PHACTR3: variants seen among roughly 807,000 people sequenced by gnomAD.
The protein encoded by PHACTR3 is phosphatase and actin regulator 3, also known as protein phosphatase 1, regulatory subunit 123.
PHACTR3 carries 16 observed loss-of-function variants against 66.8 expected under a neutral mutation model. The observed-to-expected ratio is 0.24, with a 90% confidence interval of 0.16 to 0.36. The LOEUF (loss-of-function observed/expected upper bound fraction) is 0.36. PHACTR3 is among the 10% of genes least tolerant of loss of function. The probability of loss-of-function intolerance (pLI) is 1.00; values close to 1 mark genes in which losing one functional copy is unlikely to be tolerated. For missense variants in PHACTR3, 647 were observed against 719.9 expected, an observed-to-expected ratio of 0.90 and a Z score of 1.16; for synonymous variants, 323 against 292.1, an observed-to-expected ratio of 1.11 and a Z score of -1.08.
chr20:59,796,665 A>T (rs2041259526), intron 7 of PHACTR3, among the ~76,000 whole-genome samples: 1 of 152,238 alleles, frequency 6.6e-6, no homozygotes, highest in East Asian at 1.9e-4. Context: ...CCCCTCTCTT[A>T]TCATCCCATT....
chr20:59,646,953 T>G (rs2146439806), intron 1 of PHACTR3, among the ~76,000 whole-genome samples: 1 of 152,212 alleles, frequency 6.6e-6, no homozygotes, highest in South Asian at 2.1e-4. Context: ...TTAAAGGGAT[T>G]TTTGTCTTTA....
intron 7 of PHACTR3, among the ~76,000 whole-genome samples, chr20:59,803,938 G>A (rs904629047): frequency 5.3e-5 from 8 of 152,160 alleles, no homozygotes; most frequent in South Asian, 4.1e-4. Context: ...CTCTCCGTCC[G>A]TCCCTGCACC....
intron 7 of PHACTR3, among the ~76,000 whole-genome samples, chr20:59,783,493 A>C (rs150052689): frequency 4.2e-5 from 6 of 143,552 alleles, no homozygotes; most frequent in African/African-American, 1.6e-4. Flanking sequence ...CTTGATAAGC[A>C]CTTTTCATGC....
At chr20:59,660,442 C>A (rs975563544) in intron 1 of PHACTR3, among the ~76,000 whole-genome samples, 1 of 152,170 alleles carries the variant, frequency 6.6e-6, no homozygotes, top group African/African-American at 2.4e-5. Flanking sequence ...TGCAGTGAGC[C>A]GAGATTGCGC....
At chr20:59,677,849 G>C (rs916086227) in intron 1 of PHACTR3, among the ~76,000 whole-genome samples, 1 of 152,014 alleles carries the variant, frequency 6.6e-6, no homozygotes, top group Non-Finnish European at 1.5e-5. Flanking sequence ...CCATGGTGAG[G>C]TTCATTCAGA....
intron 1 of PHACTR3, among the ~76,000 whole-genome samples, chr20:59,687,355 G>C (rs1045538320): frequency 2.5e-4 from 38 of 152,238 alleles, no homozygotes; most frequent in African/African-American, 8.7e-4. Context: ...TTGTTACCTT[G>C]TAGTAGATTT....
intron 1 of PHACTR3, among the ~76,000 whole-genome samples, chr20:59,643,254 T>C (rs553289730): frequency 6.6e-6 from 1 of 152,322 alleles, no homozygotes; most frequent in South Asian, 2.1e-4. Context: ...GGTGAGAAGG[T>C]ATCCTGCACA....
chr20:59,827,847 G>A (rs2042239057), intron 8 of PHACTR3, among the ~76,000 whole-genome samples: 1 of 152,162 alleles, frequency 6.6e-6, no homozygotes, highest in African/African-American at 2.4e-5. Context: ...AGCTTGGCGG[G>A]GCTTCCTGGT....
intron 1 of PHACTR3, among the ~76,000 whole-genome samples, chr20:59,584,050 A>G (rs951524205): frequency 1.7e-4 from 26 of 152,212 alleles, no homozygotes; most frequent in African/African-American, 5.8e-4. Flanking sequence ...TTAGTGACAA[A>G]CTGTGGGTCA....
intron 8 of PHACTR3, among the ~76,000 whole-genome samples, chr20:59,816,750 G>T (rs1414210862): frequency 2.0e-5 from 3 of 152,228 alleles, no homozygotes; most frequent in Non-Finnish European, 4.4e-5. Flanking sequence ...TGTATGATTG[G>T]ATAGGTGGGT....
rs189915001 is a variant in PHACTR3, at chr20:59,775,266, C to G, written c.1174+776C>G. On this transcript the variant is annotated intron_variant, in intron 7 of 12. Coordinates refer to ENST00000371015, the MANE Select transcript of PHACTR3 (RefSeq NM_080672.5). ...CCCTCTGATTAGTCCCAGGAAGGTC[C>G]AGGGCGGCCGTGGTGTTTGGCCTGC... 7.7e-4 allele frequency among the ~76,000 whole-genome samples: 117 copies of G among 152,234 alleles called. 2 individuals carry two copies. The East Asian group carries it at 0.02, about 26-fold the overall frequency.
intron 1 of PHACTR3, among the ~76,000 whole-genome samples, chr20:59,723,106 CTTT>C (rs2038406625): frequency 7.7e-6 from 1 of 129,876 alleles, no homozygotes; most frequent in Admixed American, 7.6e-5. Context: ...TTCTTTCTTT[CTTT>C]CTTTCTTTCT....
chr20:59,806,886 G>A lies in PHACTR3; in HGVS notation c.1328+692G>A, dbSNP rs370687197. ...CTACCATATACTGTAGGCAATTCTA[G>A]CACGTTATGGTATAGAAACATTTCT... On this transcript the variant is annotated intron_variant, in intron 8 of 12. Transcript: ENST00000371015. 9.3e-4 allele frequency among the ~76,000 whole-genome samples: 142 copies of A among 152,298 alleles called. 5 individuals carry two copies. The South Asian group carries it at 0.029, about 31-fold the overall frequency.
chr20:59,620,036 C>T (rs1312815018), intron 1 of PHACTR3, among the ~76,000 whole-genome samples: 1 of 152,178 alleles, frequency 6.6e-6, no homozygotes, highest in African/African-American at 2.4e-5. Flanking sequence ...AGGGGTGCCC[C>T]TCCGAGGCCC....
At chr20:59,826,120 G>A (rs766640201) in intron 8 of PHACTR3, among the ~76,000 whole-genome samples, 2 of 151,720 alleles carry the variant, frequency 1.3e-5, no homozygotes, top group Non-Finnish European at 2.9e-5. Context: ...TGTAGCAGCC[G>A]CGCTGGGCAA....
At chr20:59,687,611 C>T (rs1338055787) in intron 1 of PHACTR3, among the ~76,000 whole-genome samples, 1 of 152,124 alleles carries the variant, frequency 6.6e-6, no homozygotes, top group Non-Finnish European at 1.5e-5. Flanking sequence ...TAGTGCTTTT[C>T]ACACCCTCTG....
intron 12 of PHACTR3, among the ~76,000 whole-genome samples, chr20:59,846,827 T>C (rs1002192142): frequency 3.3e-5 from 5 of 152,200 alleles, no homozygotes; most frequent in Admixed American, 3.3e-4. Context: ...TTTCTACTGA[T>C]TTAGCAAAGC....
intron 1 of PHACTR3, among the ~76,000 whole-genome samples, chr20:59,623,459 T>C (rs909251155): frequency 1.3e-5 from 2 of 152,262 alleles, no homozygotes; most frequent in African/African-American, 2.4e-5. Flanking sequence ...AAACCAGGTC[T>C]CTCTGGCTGT....
At position 59,830,141 on chromosome 20, in the gene PHACTR3, C is replaced by T. The variant is rs2042310486; in HGVS notation, c.1329-6364C>T. 6.9e-6 allele frequency among the ~76,000 whole-genome samples: 1 copy of T among 144,904 alleles called. No homozygotes were observed. The highest frequency in any genetic ancestry group is 2.8e-5 in the African/African-American group (1 of 35,986). On this transcript the variant is annotated intron_variant, in intron 8 of 12. Coordinates refer to ENST00000371015, the MANE Select transcript of PHACTR3 (RefSeq NM_080672.5). This position sits in a 1 kb window ranked among gnomAD's most constrained non-coding sequence, Gnocchi z 5.8. The stretch of plus-strand genomic sequence containing the variant: ...GGGTGTCTGATGAAAGAGGCTATGA[C>T]AGACAGGAGCATGTGCGTGTCTGGT...
Sources: allele counts gnomAD v4.1 joint callset (sites outside exome capture counted in the v4.1 genomes callset), GRCh38; gene constraint gnomAD v4.1.1; non-coding constraint Gnocchi (gnomAD v3.1); transcripts MANE v1.5; gene names NCBI Gene and HGNC (gene_info 2026-07-23, HGNC 2026-07-21).